Variants in ADAMTSL1 observed in about 807,000 individuals in gnomAD.
The protein encoded by ADAMTSL1 is ADAMTS-like protein 1.
ADAMTSL1 carries 126 observed loss-of-function variants against 201.8 expected under a neutral mutation model. The ratio of observed to expected loss-of-function variants is 0.62; its 90% CI spans 0.54 to 0.72. The LOEUF is 0.72. ADAMTSL1 is among the 30% of genes least tolerant of loss of function. The pLI is 0.00. For synonymous variants in ADAMTSL1, 1,121 were observed against 903.4 expected (o/e 1.24, Z -4.32); for missense variants, 2,679 against 2,277.8 (o/e 1.18, Z -3.59).
intron 1 of ADAMTSL1, among the ~76,000 whole-genome samples, chr9:17,956,695 C>G (rs1441437445): frequency 6.6e-6 from 1 of 152,120 alleles, no homozygotes; most frequent in Non-Finnish European, 1.5e-5. Context: ...ATGCAAGTCA[C>G]TAAGGCCAGC....
intron 2 of ADAMTSL1, among the ~76,000 whole-genome samples, chr9:18,235,291 G>A (rs1314045975): frequency 6.6e-6 from 1 of 152,186 alleles, no homozygotes; most frequent in African/African-American, 2.4e-5. Context: ...ATCATGACTA[G>A]GTTGGTGTTA....
intron 1 of ADAMTSL1, among the ~76,000 whole-genome samples, chr9:18,054,537 T>C (rs1193739105): frequency 6.6e-6 from 1 of 152,186 alleles, no homozygotes; most frequent in Non-Finnish European, 1.5e-5. Context: ...TTTAAGTCTT[T>C]CTTACATTCT....
intron 2 of ADAMTSL1, among the ~76,000 whole-genome samples, chr9:18,304,808 G>A (rs796593801): frequency 7.2e-4 from 109 of 151,922 alleles, no homozygotes; most frequent in African/African-American, 2.5e-3. Context: ...CTTTCTCATG[G>A]GTCTAAATTA....
chr9:18,588,868 C>CATATATATATACATATACATATATATAT (rs1554710706), intron 4 of ADAMTSL1, among the ~76,000 whole-genome samples: 1 of 113,734 alleles, frequency 8.8e-6, no homozygotes, highest in Non-Finnish European at 1.8e-5. Context: ...AGCTTTGTGC[C>CATATATATATACATATACATATATATAT]ATATATATAC....
At chr9:18,399,333 T>TATATATA (rs1817891081) in intron 2 of ADAMTSL1, among the ~76,000 whole-genome samples, 1 of 82,054 alleles carries the variant, frequency 1.2e-5, no homozygotes, top group African/African-American at 4.2e-5. Flanking sequence ...ATATATAAAA[T>TATATATA]TATTATTTTC....
chr9:18,635,931 G>A lies in ADAMTSL1; in HGVS notation c.602-12G>A. ...TGACATGCTTTTAAGATTTTGCTTT[G>A]TTTCTCTCTAGCGGATGATACTGTG... On this transcript the variant is annotated splice_polypyrimidine_tract_variant and intron_variant, in intron 5 of 28. Coordinates refer to ENST00000380548, the MANE Select transcript of ADAMTSL1 (RefSeq NM_001040272.6). 4 of 1,591,930 alleles carry A rather than the reference G, an allele frequency of 2.5e-6. No homozygotes were observed. The highest frequency in any genetic ancestry group is 3.4e-6 in the Non-Finnish European group (4 of 1,174,332).
intron 14 of ADAMTSL1, among the ~76,000 whole-genome samples, chr9:18,721,135 T>C (rs777493414): frequency 6.6e-6 from 1 of 152,224 alleles, no homozygotes; most frequent in Non-Finnish European, 1.5e-5. Context: ...AATACAACGA[T>C]TTCCTTTCAA....
intron 26 of ADAMTSL1, 100 bp from the exon 27 acceptor site, chr9:18,905,682 A>G: frequency 1.2e-6 from 1 of 842,314 alleles, no homozygotes. Flanking sequence ...GCCTCCAACA[A>G]GACCTACACA....
At chr9:18,879,403 C>A (rs553818498) in intron 23 of ADAMTSL1, among the ~76,000 whole-genome samples, 1 of 152,254 alleles carries the variant, frequency 6.6e-6, no homozygotes, top group Non-Finnish European at 1.5e-5. Flanking sequence ...AATTTTTCCA[C>A]AAAACTGATC....
At chr9:18,052,681 G>C (rs1340761467) in intron 1 of ADAMTSL1, among the ~76,000 whole-genome samples, 1 of 152,180 alleles carries the variant, frequency 6.6e-6, no homozygotes, top group Non-Finnish European at 1.5e-5. Context: ...ATGGTGCAAA[G>C]TAGAAACTGT....
intron 9 of ADAMTSL1, among the ~76,000 whole-genome samples, chr9:18,668,046 C>G (rs918291578): frequency 2.0e-5 from 3 of 151,692 alleles, no homozygotes; most frequent in Non-Finnish European, 4.4e-5. Flanking sequence ...AAAAAAAAAA[C>G]TCAGTGTAAG....
intron 1 of ADAMTSL1, among the ~76,000 whole-genome samples, chr9:18,027,709 T>C (rs980383398): frequency 6.6e-6 from 1 of 152,100 alleles, no homozygotes; most frequent in Admixed American, 6.6e-5. Flanking sequence ...GGATGGAATA[T>C]TATGTACATG....
intron 2 of ADAMTSL1, among the ~76,000 whole-genome samples, chr9:18,400,330 T>G (rs902276815): frequency 6.6e-6 from 1 of 152,202 alleles, no homozygotes; most frequent in Non-Finnish European, 1.5e-5. Context: ...AATTCAGTCT[T>G]TTCTCCAGTA....
chr9:18,653,900 C>T (rs560181366), intron 7 of ADAMTSL1, among the ~76,000 whole-genome samples: 6 of 152,294 alleles, frequency 3.9e-5, no homozygotes, highest in African/African-American at 7.2e-5. Context: ...CTATACTGTC[C>T]GACCTAAAAA....
intron 16 of ADAMTSL1, among the ~76,000 whole-genome samples, chr9:18,758,809 G>T (rs1819910100): frequency 6.6e-6 from 1 of 152,144 alleles, no homozygotes; most frequent in South Asian, 2.1e-4. Flanking sequence ...GGGGGCCATT[G>T]TTCAGCCCAT....
intron 1 of ADAMTSL1, among the ~76,000 whole-genome samples, chr9:18,123,869 C>T: frequency 6.6e-6 from 1 of 152,106 alleles, no homozygotes; most frequent in Middle Eastern, 3.2e-3. Flanking sequence ...GAAAAACTGA[C>T]AAATTGTTTT....
chr9:18,070,419 C>T (rs1334190269), intron 1 of ADAMTSL1, among the ~76,000 whole-genome samples: 2 of 152,088 alleles, frequency 1.3e-5, no homozygotes, highest in East Asian at 3.9e-4. Flanking sequence ...GACTCTTATA[C>T]AGTTTTTCAA....
At chr9:18,734,126 CCT>C (rs1818376245) in intron 15 of ADAMTSL1, among the ~76,000 whole-genome samples, 1 of 152,160 alleles carries the variant, frequency 6.6e-6, no homozygotes, top group Non-Finnish European at 1.5e-5. Flanking sequence ...TCAGTTTCTT[CCT>C]CTTTAACCCC....
intron 26 of ADAMTSL1, among the ~76,000 whole-genome samples, chr9:18,895,117 T>G (rs1829541320): frequency 6.6e-6 from 1 of 152,182 alleles, no homozygotes; most frequent in Non-Finnish European, 1.5e-5. Context: ...AAGTAGGCAC[T>G]GAAATCAAAC....
Sources: gnomAD v4.1 joint callset for allele counts (sites outside exome capture counted in the v4.1 genomes callset) on GRCh38, gnomAD v4.1.1 for gene constraint, MANE v1.5 for transcripts, NCBI Gene and HGNC (gene_info 2026-07-23, HGNC 2026-07-21) for gene names.